Variants in SGCD observed in about 807,000 individuals in gnomAD.
SGCD encodes sarcoglycan delta, also known as delta-sarcoglycan.
In SGCD, 18 loss-of-function variants were observed where a neutral mutation model predicts 36.6. The observed-to-expected ratio is 0.49, with a 90% CI of 0.34 to 0.73. SGCD has a LOEUF of 0.73. SGCD is among the 30% of genes least tolerant of loss of function. The pLI, the probability that SGCD is intolerant of heterozygous loss-of-function variation, is 0.01. For missense variants in SGCD, 387 were observed against 346.7 expected, an observed-to-expected ratio of 1.12 and a Z score of -0.92; for synonymous variants, 133 against 130.6, an observed-to-expected ratio of 1.02 and a Z score of -0.12.
At chr5:156,217,756 A>T (rs1377322411) in intron 3 of SGCD, among the ~76,000 whole-genome samples, 1 of 152,124 alleles carries the variant, frequency 6.6e-6, no homozygotes, top group Non-Finnish European at 1.5e-5. Flanking sequence ...ATTTTGATCC[A>T]TATATAGCCA....
chr5:156,555,164 T>C (rs771312165), intron 4 of SGCD, among the ~76,000 whole-genome samples: 3 of 152,170 alleles, frequency 2.0e-5, no homozygotes, highest in Non-Finnish European at 4.4e-5. Context: ...AGAGTTTATT[T>C]CCAAGAAAGT....
intron 1 of SGCD, among the ~76,000 whole-genome samples, chr5:155,937,128 G>C (rs2113402422): frequency 6.6e-6 from 1 of 152,316 alleles, no homozygotes; most frequent in South Asian, 2.1e-4. Flanking sequence ...TTGGGTGCCT[G>C]CTCCCAGCCC....
chr5:155,972,769 A>G (rs1413036785), intron 1 of SGCD, among the ~76,000 whole-genome samples: 4 of 152,300 alleles, frequency 2.6e-5, no homozygotes, highest in African/African-American at 7.2e-5. Flanking sequence ...AATCTGAAAG[A>G]CAAAACAATT....
intron 1 of SGCD, among the ~76,000 whole-genome samples, chr5:155,882,758 G>T (rs1266570582): frequency 6.6e-6 from 1 of 152,104 alleles, no homozygotes; most frequent in African/African-American, 2.4e-5. Context: ...ATTTCTAGAT[G>T]AAGGGCAGTA....
intron 4 of SGCD, among the ~76,000 whole-genome samples, chr5:156,553,037 G>T (rs776279264): frequency 6.6e-6 from 1 of 152,182 alleles, no homozygotes; most frequent in Non-Finnish European, 1.5e-5. Context: ...TGAGCCTCAG[G>T]CTGCTTCCAA....
chr5:155,864,867 C>T, the SGCD span, among the ~76,000 whole-genome samples: 26 of 152,274 alleles, frequency 1.7e-4, no homozygotes, highest in African/African-American at 6.3e-4. Context: ...TCTTTTAGTA[C>T]AGATTATGCT....
chr5:156,761,612 G>C lies in SGCD; in HGVS notation c.*2222G>C, dbSNP rs1325064483. 6.6e-6 allele frequency: 1 copy of C among 152,138 alleles called. No homozygotes were observed. Among genetic ancestry groups the C allele is most frequent in the Non-Finnish European group, 1.5e-5 (1 of 68,026 alleles). The allele number at this position is 152,138 out of a possible 1,614,324, so 9.4% of individuals were successfully genotyped here. On this transcript the variant is annotated 3_prime_UTR_variant, in exon 9 of 9. Coordinates refer to ENST00000337851, the MANE Select transcript of SGCD (RefSeq NM_000337.6). ...TACAAAGTCATTTGTGGCTAGATAG[G>C]TTAAGACAGGTGATTTTTTAAAGTA... is the stretch of plus-strand genomic sequence containing the variant.
At chr5:156,389,769 A>G (rs908885916) in intron 3 of SGCD, among the ~76,000 whole-genome samples, 3 of 152,202 alleles carry the variant, frequency 2.0e-5, no homozygotes, top group Non-Finnish European at 2.9e-5. Context: ...ATTAAGAACA[A>G]AGAGTCTGAA....
At chr5:156,132,990 T>C (rs73813246) in intron 3 of SGCD, among the ~76,000 whole-genome samples, 1,900 of 152,360 alleles carry the variant, frequency 0.012, 37 homozygotes, top group African/African-American at 0.044. Flanking sequence ...TATTGCTTTA[T>C]TCTGCCAGTA....
intron 1 of SGCD, among the ~76,000 whole-genome samples, chr5:156,043,026 C>T (rs58777623): frequency 0.011 from 1,633 of 152,234 alleles, 45 homozygotes; most frequent in African/African-American, 0.038. Flanking sequence ...TAGCTTGGCC[C>T]AACCCCAGGA....
intron 6 of SGCD, among the ~76,000 whole-genome samples, chr5:156,628,117 G>A (rs1762501540): frequency 6.6e-6 from 1 of 152,104 alleles, no homozygotes; most frequent in Non-Finnish European, 1.5e-5. Flanking sequence ...GCAAAAGCAG[G>A]GGCAAGAGGA....
At chr5:156,005,717 T>C (rs1262958354) in intron 1 of SGCD, among the ~76,000 whole-genome samples, 1 of 152,208 alleles carries the variant, frequency 6.6e-6, no homozygotes, top group African/African-American at 2.4e-5. Flanking sequence ...CCCAAAGTGC[T>C]AGGATTACAG....
At chr5:156,554,341 C>T (rs897675670) in intron 4 of SGCD, among the ~76,000 whole-genome samples, 7 of 143,932 alleles carry the variant, frequency 4.9e-5, no homozygotes, top group East Asian at 2.0e-4. Context: ...GGCAACAGAG[C>T]GAGAGTCTGT....
At chr5:156,586,939 G>GT (rs375269098) in intron 4 of SGCD, among the ~76,000 whole-genome samples, 34 of 151,934 alleles carry the variant, frequency 2.2e-4, no homozygotes, top group Middle Eastern at 6.8e-3. Context: ...TATTTTGGGG[G>GT]GTCTTTTTTT....
At chr5:156,684,067 TG>T (rs1753818348) in intron 7 of SGCD, among the ~76,000 whole-genome samples, 1 of 152,204 alleles carries the variant, frequency 6.6e-6, no homozygotes, top group Non-Finnish European at 1.5e-5. Context: ...TATTCCCATG[TG>T]GTACTAAGTA....
chr5:156,404,968 G>A (rs1772333230), intron 3 of SGCD, among the ~76,000 whole-genome samples: 1 of 152,138 alleles, frequency 6.6e-6, no homozygotes, highest in South Asian at 2.1e-4. Flanking sequence ...TTCTGCAGAT[G>A]CAATTAAGGC....
At chr5:156,611,653 A>T (rs561762476) in intron 6 of SGCD, among the ~76,000 whole-genome samples, 1 of 152,224 alleles carries the variant, frequency 6.6e-6, no homozygotes, top group South Asian at 2.1e-4. Flanking sequence ...TTCAGCTATT[A>T]TTTTGTTAAA....
chr5:156,273,561 C>T lies in SGCD; in HGVS notation c.-43-55973C>T, dbSNP rs187730658. Among the ~76,000 whole-genome samples, 30 of 152,270 alleles carry T rather than the reference C, an allele frequency of 2.0e-4. 2 individuals are homozygous for T. The East Asian group carries it at 5.2e-3, about 26-fold the overall frequency. ...ATGATGGGCTCTTTCCATTTTACTG[C>T]CTGAGCTAAATTTATTTCTCTTCTG... On this transcript the variant is annotated intron_variant, in intron 3 of 9. Transcript: ENST00000517913.
At chr5:156,273,636 T>A (rs1435014078) in intron 3 of SGCD, among the ~76,000 whole-genome samples, 1 of 152,180 alleles carries the variant, frequency 6.6e-6, no homozygotes, top group Non-Finnish European at 1.5e-5. Flanking sequence ...TTAGCATCCC[T>A]TCTACCACAG....
Sources: allele counts gnomAD v4.1 joint callset (sites outside exome capture counted in the v4.1 genomes callset), GRCh38; gene constraint gnomAD v4.1.1; transcripts MANE v1.5; gene names NCBI Gene and HGNC (gene_info 2026-07-23, HGNC 2026-07-21).